LIMD1: variants seen among roughly 807,000 people sequenced by gnomAD.
LIMD1 encodes LIM domain containing 1.
In LIMD1, 23 loss-of-function variants were observed where a neutral mutation model predicts 58.4. The observed-to-expected ratio is 0.39, with a 90% confidence interval of 0.28 to 0.56. The LOEUF (loss-of-function observed/expected upper bound fraction) is 0.56, where lower values mean the gene tolerates loss of function less well. Ranked by LOEUF, LIMD1 falls within the 20% of genes least tolerant of loss-of-function variation. The pLI, the probability that LIMD1 is intolerant of heterozygous loss-of-function variation, is 0.57. For missense variants in LIMD1, 838 were observed against 855.5 expected (o/e 0.98, Z 0.25); for synonymous variants, 334 against 345.5 (o/e 0.97, Z 0.37).
At chr3:45,617,535 C>T (rs1235812019) in intron 1 of LIMD1, among the ~76,000 whole-genome samples, 1 of 152,200 alleles carries the variant, frequency 6.6e-6, no homozygotes, top group Non-Finnish European at 1.5e-5. Flanking sequence ...ACAGTTGTGC[C>T]AGGTGTCTAC....
chr3:45,635,555 C>G (rs1451466455), intron 1 of LIMD1, among the ~76,000 whole-genome samples: 3 of 151,810 alleles, frequency 2.0e-5, no homozygotes, highest in African/African-American at 7.3e-5. Flanking sequence ...ATTGAGGTTA[C>G]TAAATCCTAG....
chr3:45,630,197 TG>T (rs1400356374), intron 1 of LIMD1, among the ~76,000 whole-genome samples: 9 of 152,162 alleles, frequency 5.9e-5, no homozygotes, highest in African/African-American at 2.2e-4. Flanking sequence ...TCCTGTGGCA[TG>T]GGGGGCCCTG....
rs1310346121 is a variant in LIMD1, at chr3:45,681,349, T to TA, written c.*4294dup. ...GTCTTCTTTTACAGCTCTGGATTCT[T>TA]AAAAGTACCACATAGGTAGCAAACC... On this transcript the variant is annotated 3_prime_UTR_variant, in exon 8 of 8. Transcript: ENST00000273317. 6.6e-6 allele frequency: 1 copy of TA among 152,214 alleles called. No individual in the cohort carries two copies. 9.4% of individuals were successfully genotyped at this position (152,214 alleles called of 1,614,324 possible). A position where few individuals can be genotyped will look rare whatever the true frequency, so the allele number is the denominator to read the frequency against.
chr3:45,595,754 C>T lies in LIMD1; in HGVS notation c.875C>T (p.Pro292Leu). The change falls in exon 1 of 8, where the codon CCC (proline) becomes CTC (leucine). Residue 292 changes from proline to leucine, a missense_variant. Pro to Leu is a moderately conservative substitution (Grantham distance 98, BLOSUM62 -3). Around this residue, in one of 3 missense-constraint regions of LIMD1, gnomAD observed 659 missense variants for 639.8 expected, o/e 1.03. Coordinates refer to ENST00000273317, the MANE Select transcript of LIMD1 (RefSeq NM_014240.3). The stretch of plus-strand genomic sequence containing the variant: ...GCACCAGCTGTGGGGCCTGTTCAGC[C>T]CAGGACCCCTTCTGTGTCAGCACCC... Reference protein sequence around the residue: ...NGAPAVGPVQPRTPSVSAPLA... With the variant: ...NGAPAVGPVQLRTPSVSAPLA... The T allele has an allele frequency of 6.2e-7, 1 of 1,614,086 alleles. No individual in the cohort carries two copies. The highest frequency in any genetic ancestry group is 8.5e-7 in the Non-Finnish European group (1 of 1,180,030).
rs112050273 is a variant in LIMD1, at chr3:45,595,256, C to T, written c.377C>T (p.Pro126Leu). ...AVTTLAAGQPPYPPQEQRSRP... is the reference protein window; with the variant it reads ...AVTTLAAGQPLYPPQEQRSRP... The stretch of plus-strand genomic sequence containing the variant: ...ACCACCCTCGCTGCTGGGCAGCCCC[C>T]GTACCCACCGCAGGAGCAGAGATCC... The change falls in exon 1 of 8, where the codon CCG becomes CTG. Residue 126 changes from proline (P) to leucine (L), a missense_variant. By Grantham distance (98) the Pro-to-Leu change is moderately conservative. This residue lies in a region of LIMD1 where 659 missense variants were observed against 639.8 expected (regional missense o/e 1.03). Transcript: ENST00000273317. 401 of 1,610,582 alleles carry T rather than the reference C, an allele frequency of 2.5e-4. No homozygotes were observed. The highest frequency in any genetic ancestry group is 1.1e-3 in the African/African-American group (86 of 75,040).
Position 45,596,299 on chromosome 3 carries a change from G to T in LIMD1, c.1408+12G>T. 6.3e-7 allele frequency: 1 copy of T among 1,577,368 alleles called. No homozygotes were observed. Among genetic ancestry groups the T allele is most frequent in the Non-Finnish European group, 8.6e-7 (1 of 1,160,396 alleles). On this transcript the variant is annotated intron_variant, in intron 1 of 7. Coordinates refer to ENST00000273317, the MANE Select transcript of LIMD1 (RefSeq NM_014240.3). The stretch of plus-strand genomic sequence containing the variant: ...GGCTGATTACTTTGGTGAGTGAGAG[G>T]CTGGTGGAGTTGCCTATGGTGGGGC...
At chr3:45,617,044 T>TG (rs1007059990) in intron 1 of LIMD1, among the ~76,000 whole-genome samples, 2 of 146,088 alleles carry the variant, frequency 1.4e-5, no homozygotes, top group African/African-American at 5.1e-5. Context: ...ATTTTTTTTT[T>TG]TTTTTTTGAG....
chr3:45,621,650 A>G (rs1381890814), intron 1 of LIMD1, among the ~76,000 whole-genome samples: 1 of 152,074 alleles, frequency 6.6e-6, no homozygotes, highest in Non-Finnish European at 1.5e-5. Context: ...GGTTATTTAT[A>G]TTTTCTATTT....
In LIMD1 at chr3:45,594,800, C is replaced by CACACACACGGCACCTGG. The variant is rs1553642009; in HGVS notation, c.-72_-71insGGCACCTGGACACACAC. ...CTCAACACACACACACACACACACA[C>CACACACACGGCACCTGG]ACACACACACACACACACACACACA... is the stretch of plus-strand genomic sequence containing the variant. On this transcript the variant is annotated 5_prime_UTR_variant, in exon 1 of 8. Coordinates refer to ENST00000273317, the MANE Select transcript of LIMD1 (RefSeq NM_014240.3). 4.5e-5 allele frequency: 7 copies of CACACACACGGCACCTGG among 154,258 alleles called. No individual in the cohort carries two copies. Among genetic ancestry groups the CACACACACGGCACCTGG allele is most frequent in the African/African-American group, 2.8e-4 (7 of 25,180 alleles). The allele number at this position is 154,258 out of a possible 1,614,324, so 9.6% of individuals were successfully genotyped here. A position where few individuals can be genotyped will look rare whatever the true frequency, so the allele number is the denominator to read the frequency against.
chr3:45,645,792 A>G (rs191405099), intron 2 of LIMD1, among the ~76,000 whole-genome samples: 2 of 152,082 alleles, frequency 1.3e-5, no homozygotes, highest in Admixed American at 1.3e-4. Flanking sequence ...CTCTTCTCTT[A>G]GATTTCTGCC....
chr3:45,674,300 T>C, intron 6 of LIMD1, 43 bp from the exon 7 acceptor site: 1 of 1,508,110 alleles, frequency 6.6e-7, no homozygotes, highest in Non-Finnish European at 9.2e-7. Flanking sequence ...ACAGCCCCCC[T>C]AACAGGCCTC....
chr3:45,642,804 A>G (rs993290168), intron 2 of LIMD1, among the ~76,000 whole-genome samples: 2 of 152,236 alleles, frequency 1.3e-5, no homozygotes, highest in Non-Finnish European at 2.9e-5. Flanking sequence ...TCGTTCCAGC[A>G]GTAAGCATCA....
At chr3:45,674,763 C>A (rs916225354) in intron 7 of LIMD1, among the ~76,000 whole-genome samples, 4 of 152,164 alleles carry the variant, frequency 2.6e-5, no homozygotes, top group Non-Finnish European at 4.4e-5. Context: ...GGGACTCCCT[C>A]CCCTCCAGCT....
chr3:45,597,202 C>G (rs1701366412), intron 1 of LIMD1, among the ~76,000 whole-genome samples: 1 of 152,150 alleles, frequency 6.6e-6, no homozygotes, highest in Non-Finnish European at 1.5e-5. Context: ...CAGCAGCATC[C>G]CTTTGCCTGG....
At chr3:45,660,405 C>CTTTTTTT (rs869301368) in intron 2 of LIMD1, among the ~76,000 whole-genome samples, 1 of 79,998 alleles carries the variant, frequency 1.3e-5, no homozygotes, top group African/African-American at 4.7e-5. Context: ...GGTGGGCTGT[C>CTTTTTTT]TTTTTTTTTT....
chr3:45,599,526 A>G (rs75875480), intron 1 of LIMD1, among the ~76,000 whole-genome samples: 2,185 of 152,308 alleles, frequency 0.014, 27 homozygotes, highest in Middle Eastern at 0.034. Context: ...TCTGGGTGTA[A>G]TAAGCATGTG....
intron 1 of LIMD1, among the ~76,000 whole-genome samples, chr3:45,605,488 C>A (rs190152493): frequency 2.0e-5 from 3 of 152,310 alleles, no homozygotes; most frequent in African/African-American, 7.2e-5. Context: ...AGACTGTCTG[C>A]AGAAAGTATC....
chr3:45,635,421 G>T (rs1161438087), intron 1 of LIMD1, among the ~76,000 whole-genome samples: 1 of 152,124 alleles, frequency 6.6e-6, no homozygotes, highest in African/African-American at 2.4e-5. Flanking sequence ...CATCAGCAAA[G>T]GCTGGGCTAA....
chr3:45,621,317 A>C (rs1170121808), intron 1 of LIMD1, among the ~76,000 whole-genome samples: 1 of 151,890 alleles, frequency 6.6e-6, no homozygotes, highest in Non-Finnish European at 1.5e-5. Flanking sequence ...GCAGCCATGA[A>C]CTCCCAGGCT....
Sources: gnomAD v4.1 joint callset for allele counts (sites outside exome capture counted in the v4.1 genomes callset) on GRCh38, gnomAD v4.1.1 for gene constraint, gnomAD v4.1.1 regional missense constraint, MANE v1.5 for transcripts, NCBI Gene and HGNC (gene_info 2026-07-23, HGNC 2026-07-21) for gene names.